Variants in MOXD1 observed in about 807,000 individuals in gnomAD.
The protein encoded by MOXD1 is DBH-like monooxygenase protein 1.
MOXD1 carries 62 observed loss-of-function variants against 66.6 expected under a neutral mutation model. The ratio of observed to expected loss-of-function variants is 0.93; its 90% CI spans 0.76 to 1.15. The LOEUF is 1.15. Ranked by LOEUF, MOXD1 falls within the 50% of genes most tolerant of loss-of-function variation. The pLI is 0.00. For missense variants in MOXD1, 847 were observed against 754.6 expected (o/e 1.12, Z -1.44); for synonymous variants, 303 against 281.9 (o/e 1.07, Z -0.75).
chr6:132,297,047 A>G lies in MOXD1; in HGVS notation c.*106T>C. 2.5e-6 allele frequency: 3 copies of G among 1,181,034 alleles called. No homozygotes were observed. Among genetic ancestry groups the G allele is most frequent in the Non-Finnish European group, 3.6e-6 (3 of 844,750 alleles). 73.2% of individuals were successfully genotyped at this position (1,181,034 alleles called of 1,614,324 possible). A position where few individuals can be genotyped will look rare whatever the true frequency, so the allele number is the denominator to read the frequency against. Reference sequence around the variant, plus strand: ...AAGGAGGGAGGGAAAATGGGGAAGAAAAGTCTCCACACTCTTCATGCCCAA... The same window carrying G: ...AAGGAGGGAGGGAAAATGGGGAAGAGAAGTCTCCACACTCTTCATGCCCAA... On this transcript the variant is annotated 3_prime_UTR_variant, in exon 12 of 12. Coordinates refer to ENST00000367963, the MANE Select transcript of MOXD1 (RefSeq NM_015529.4).
At chr6:132,364,712 G>A (rs1022001995) in intron 4 of MOXD1, among the ~76,000 whole-genome samples, 70 of 152,228 alleles carry the variant, frequency 4.6e-4, no homozygotes, top group African/African-American at 1.6e-3. Flanking sequence ...AGCAAATTGG[G>A]AATATAGCCA....
intron 10 of MOXD1, among the ~76,000 whole-genome samples, chr6:132,303,624 A>T (rs966968510): frequency 8.7e-5 from 13 of 150,132 alleles, no homozygotes; most frequent in African/African-American, 2.5e-5. Flanking sequence ...ATTTTTTCAA[A>T]CATTTTTTAT....
intron 4 of MOXD1, among the ~76,000 whole-genome samples, chr6:132,354,365 C>A (rs1216824115): frequency 4.6e-5 from 7 of 152,182 alleles, no homozygotes; most frequent in African/African-American, 7.2e-5. Context: ...ATAGTACTCT[C>A]CCCTTTTTTC....
intron 1 of MOXD1, among the ~76,000 whole-genome samples, chr6:132,387,474 T>C (rs58579517): frequency 0.1 from 15,197 of 150,764 alleles, 1,460 homozygotes; most frequent in East Asian, 0.39. Context: ...GAGTTTGGGG[T>C]GGAGCACGGT....
At chr6:132,362,880 C>G (rs1776040847) in intron 4 of MOXD1, among the ~76,000 whole-genome samples, 1 of 152,188 alleles carries the variant, frequency 6.6e-6, no homozygotes, top group Non-Finnish European at 1.5e-5. Context: ...CAGCCATAAT[C>G]TTTAGCCTAA....
intron 8 of MOXD1, 42 bp from the exon 9 acceptor site, chr6:132,320,730 C>A: frequency 6.7e-7 from 1 of 1,498,782 alleles, no homozygotes; most frequent in Non-Finnish European, 9.2e-7. Flanking sequence ...AAGTTTTATG[C>A]TGGCTTATTT....
intron 10 of MOXD1, among the ~76,000 whole-genome samples, chr6:132,314,856 G>A (rs1774906786): frequency 6.6e-6 from 1 of 151,998 alleles, no homozygotes; most frequent in Non-Finnish European, 1.5e-5. Flanking sequence ...AGAGGGCAAG[G>A]AAAATATGAA....
At chr6:132,336,052 C>A (rs1775428731) in intron 4 of MOXD1, among the ~76,000 whole-genome samples, 1 of 152,148 alleles carries the variant, frequency 6.6e-6, no homozygotes, top group Admixed American at 6.5e-5. Context: ...TGTACTCATT[C>A]TTCCAACTCT....
At chr6:132,347,048 G>A (rs562791873) in intron 4 of MOXD1, among the ~76,000 whole-genome samples, 9 of 152,254 alleles carry the variant, frequency 5.9e-5, no homozygotes, top group South Asian at 2.1e-4. Context: ...AATAGCTATC[G>A]TTTGTGAGTG....
intron 1 of MOXD1, among the ~76,000 whole-genome samples, chr6:132,378,398 G>A (rs1231647447): frequency 6.6e-6 from 1 of 151,936 alleles, no homozygotes; most frequent in African/African-American, 2.4e-5. Flanking sequence ...ACACATCTCA[G>A]TTTATTGAGA....
At chr6:132,347,889 T>TC (rs1385842602) in intron 4 of MOXD1, among the ~76,000 whole-genome samples, 1 of 149,496 alleles carries the variant, frequency 6.7e-6, no homozygotes. Context: ...CTCTTCTCTC[T>TC]TTTTTTTTTC....
intron 10 of MOXD1, among the ~76,000 whole-genome samples, chr6:132,314,065 C>T (rs1774889226): frequency 6.6e-6 from 1 of 152,078 alleles, no homozygotes; most frequent in Non-Finnish European, 1.5e-5. Flanking sequence ...CCCAAATTTC[C>T]ACCAGCCATT....
chr6:132,388,582 T>C (rs190366993), intron 1 of MOXD1, among the ~76,000 whole-genome samples: 9 of 151,514 alleles, frequency 5.9e-5, no homozygotes, highest in African/African-American at 1.9e-4. Flanking sequence ...CTTCTGCAAC[T>C]ATAGCTTGAG....
At chr6:132,303,219 C>A (rs1582557164) in intron 10 of MOXD1, among the ~76,000 whole-genome samples, 1 of 152,062 alleles carries the variant, frequency 6.6e-6, no homozygotes, top group Non-Finnish European at 1.5e-5. Flanking sequence ...AAATGAAAGT[C>A]AAGCCACAGA....
intron 4 of MOXD1, among the ~76,000 whole-genome samples, chr6:132,340,638 ATTT>A (rs869205496): frequency 0.22 from 21,362 of 98,158 alleles, 2,776 homozygotes; most frequent in African/African-American, 0.32. Context: ...AACAAGACTC[ATTT>A]TTTTTTTTTT....
intron 4 of MOXD1, among the ~76,000 whole-genome samples, chr6:132,370,199 G>C (rs1776236775): frequency 6.6e-6 from 1 of 151,916 alleles, no homozygotes; most frequent in African/African-American, 2.4e-5. Flanking sequence ...TCAAAACATA[G>C]GAGTCTTTGA....
At chr6:132,342,096 G>A (rs1440456967) in intron 4 of MOXD1, among the ~76,000 whole-genome samples, 4 of 151,666 alleles carry the variant, frequency 2.6e-5, no homozygotes, top group East Asian at 3.9e-4. Context: ...TCCACCTCCC[G>A]GATTCAAGCA....
intron 10 of MOXD1, among the ~76,000 whole-genome samples, chr6:132,304,320 C>T (rs1296673511): frequency 6.6e-6 from 1 of 152,110 alleles, no homozygotes; most frequent in Non-Finnish European, 1.5e-5. Flanking sequence ...TTTTGGACTT[C>T]CCCATCTTCA....
intron 4 of MOXD1, among the ~76,000 whole-genome samples, chr6:132,352,261 G>A (rs1380733583): frequency 6.6e-6 from 1 of 152,040 alleles, no homozygotes. Flanking sequence ...TTTTGATGTA[G>A]GCATTTAGGG....
Sources: allele counts gnomAD v4.1 joint callset (sites outside exome capture counted in the v4.1 genomes callset), GRCh38; gene constraint gnomAD v4.1.1; transcripts MANE v1.5; gene names NCBI Gene and HGNC (gene_info 2026-07-23, HGNC 2026-07-21).